GSN: variants seen among roughly 807,000 people sequenced by gnomAD.
The protein encoded by GSN is actin-depolymerizing factor.
GSN carries 56 observed loss-of-function variants against 85.7 expected under a neutral mutation model. The observed-to-expected ratio is 0.65, with a 90% CI of 0.53 to 0.82. The LOEUF (loss-of-function observed/expected upper bound fraction) is 0.82. GSN is among the 40% of genes least tolerant of loss of function. The probability of loss-of-function intolerance (pLI) is 0.00; values close to 1 mark genes in which losing one functional copy is unlikely to be tolerated. For missense variants in GSN, 857 were observed against 979.8 expected (o/e 0.87, Z 1.67); for synonymous variants, 373 against 399.1 (o/e 0.93, Z 0.78).
At chr9:121,301,322 A>G (rs149096679) in intron 2 of GSN, among the ~76,000 whole-genome samples, 33 of 152,186 alleles carry the variant, frequency 2.2e-4, no homozygotes, top group South Asian at 6.2e-4. Context: ...ATCACATCCA[A>G]TTGGCAATAA....
rs1381805508 is a variant in GSN, at chr9:121,332,518, C to T, written c.2111C>T (p.Ser704Phe). 1 of 1,613,962 alleles carries T rather than the reference C, an allele frequency of 6.2e-7. No individual in the cohort carries two copies. Among genetic ancestry groups the T allele is most frequent in the African/African-American group, 1.3e-5 (1 of 74,900 alleles). Reference sequence around the variant, plus strand: ...GTGAAGCAAGGCTTTGAGCCTCCCTCCTTTGTGGGCTGGTTCCTTGGCTGG... The same window carrying T: ...GTGAAGCAAGGCTTTGAGCCTCCCTTCTTTGTGGGCTGGTTCCTTGGCTGG... ...TVVKQGFEPPSFVGWFLGWDD... is the reference protein window; with the variant it reads ...TVVKQGFEPPFFVGWFLGWDD... The change falls in exon 18 of 18, where the codon TCC becomes TTC. Residue 704 changes from serine (S) to phenylalanine (F), a missense_variant. Transcript: ENST00000432226. This position sits in a 1 kb window ranked among gnomAD's most constrained non-coding sequence, Gnocchi z 4.8.
intron 2 of GSN, chr9:121,282,136 G>A (rs996179180): frequency 2.1e-5 from 10 of 475,660 alleles, no homozygotes; most frequent in South Asian, 7.5e-5. Context: ...GAGGTGGGGG[G>A]AGGAGTGCAG....
Position 121,312,508 on chromosome 9 carries a change from T to C in GSN, c.663+20T>C. ...CTCCAGGTGCCTGTGGGGTGCGCAA[T>C]GGGGTGGCCATGGGGACACGCTGCT... On this transcript the variant is annotated intron_variant, in intron 6 of 17. Coordinates refer to ENST00000432226, the MANE Select transcript of GSN (RefSeq NM_198252.3). 1 of 1,557,938 alleles carries C rather than the reference T, an allele frequency of 6.4e-7. No individual in the cohort carries two copies. The highest frequency in any genetic ancestry group is 1.1e-5 in the South Asian group (1 of 89,284).
At position 121,222,623 on chromosome 9, in the gene GSN, T is replaced by C. The variant is rs542954688; in HGVS notation, c.-527-8542T>C. On this transcript the variant is annotated intron_variant, in intron 4 of 24. Coordinates refer to the GSN transcript ENST00000373823. ...GGATAATTTGCATTACAATTACCTC[T>C]AGGGGGCGTATCTGAGTCTCACAGC... Among the ~76,000 whole-genome samples the C allele has an allele frequency of 3.9e-4, 60 of 152,318 alleles. 1 individual carries two copies. The highest frequency in any genetic ancestry group is 1.4e-3 in the African/African-American group (58 of 41,572).
intron 2 of GSN, among the ~76,000 whole-genome samples, chr9:121,300,592 T>C (rs1179108523): frequency 6.6e-6 from 1 of 152,102 alleles, no homozygotes; most frequent in Non-Finnish European, 1.5e-5. Flanking sequence ...CGGCCAGAGG[T>C]GACCTGCACC....
At chr9:121,266,839 G>A (rs139001265), upstream of GSN, among the ~76,000 whole-genome samples, 20 of 152,310 alleles carry the variant, frequency 1.3e-4, no homozygotes, top group African/African-American at 4.8e-4. Context: ...ATTTACTGGT[G>A]TTGAACAAAG....
At chr9:121,234,575 C>T (rs2054456173) in intron 5 of GSN, among the ~76,000 whole-genome samples, 1 of 152,158 alleles carries the variant, frequency 6.6e-6, no homozygotes, top group African/African-American at 2.4e-5. Context: ...GAAGTGAATT[C>T]CTTGATAAGA....
At chr9:121,218,885 C>T (rs1465751393) in intron 4 of GSN, among the ~76,000 whole-genome samples, 1 of 152,168 alleles carries the variant, frequency 6.6e-6, no homozygotes. Flanking sequence ...GCCTAAGTGA[C>T]TCCATTTTGG....
At chr9:121,278,407 A>T (rs2056925685) in intron 1 of GSN, among the ~76,000 whole-genome samples, 1 of 152,288 alleles carries the variant, frequency 6.6e-6, no homozygotes, top group Non-Finnish European at 1.5e-5. Flanking sequence ...CTCCCAATGA[A>T]CTGGGAGCAG....
At chr9:121,331,494 G>T (rs2063894485) in intron 17 of GSN, 46 bp downstream of exon 17, 2 of 1,173,830 alleles carry the variant, frequency 1.7e-6, no homozygotes, top group Non-Finnish European at 2.5e-6. Flanking sequence ...TCCGTTGCTT[G>T]TGGGGTGCTG....
chr9:121,325,833 G>A (rs1165925802), intron 12 of GSN, among the ~76,000 whole-genome samples: 1 of 152,132 alleles, frequency 6.6e-6, no homozygotes, highest in East Asian at 1.9e-4. Context: ...AACTCAAGAG[G>A]TTGAGACACG....
Position 121,318,428 on chromosome 9 carries a change from G to A in GSN, c.909G>A (p.Glu303=). 6.2e-7 allele frequency: 1 copy of A among 1,614,150 alleles called. No individual in the cohort carries two copies. Among genetic ancestry groups the A allele is most frequent in the Non-Finnish European group, 8.5e-7 (1 of 1,179,986 alleles). The change falls in exon 9 of 18, where the codon GAG becomes GAA. Residue 303 remains glutamate (E), a synonymous_variant. Coordinates refer to ENST00000432226, the MANE Select transcript of GSN (RefSeq NM_198252.3). The surrounding 1 kb of genome is among the most constrained non-coding windows in gnomAD (Gnocchi z 4.3). ...VWKGKQANTE[E]RKAALKTASD... is the part of the protein sequence containing the mutation. ...CAGGCAAGCAGGCAAACACGGAGGA[G>A]AGGAAGGCTGCCCTCAAAACAGCCT...
chr9:121,308,222 A>G (rs139666149), intron 4 of GSN: 1 of 152,404 alleles, frequency 6.6e-6, no homozygotes, highest in Non-Finnish European at 1.5e-5. Flanking sequence ...CCGCCCTGCT[A>G]GTCCCAAGGG....
At chr9:121,304,264 A>T (rs1272246505) in intron 4 of GSN, among the ~76,000 whole-genome samples, 1 of 152,176 alleles carries the variant, frequency 6.6e-6, no homozygotes, top group African/African-American at 2.4e-5. Flanking sequence ...CTCACAGTCC[A>T]GGGCTGGGCA....
At chr9:121,269,650 T>C (rs2055631607) in intron 1 of GSN, among the ~76,000 whole-genome samples, 1 of 152,190 alleles carries the variant, frequency 6.6e-6, no homozygotes, top group Admixed American at 6.5e-5. Context: ...GGGGCCATGC[T>C]ATTTATAAAT....
chr9:121,292,372 C>T (rs924660223), intron 2 of GSN, among the ~76,000 whole-genome samples: 12 of 152,322 alleles, frequency 7.9e-5, no homozygotes, highest in African/African-American at 2.9e-4. Context: ...GTTTGGAACC[C>T]TCCCTGTCTC....
At chr9:121,227,266 T>C (rs923964849) in intron 4 of GSN, among the ~76,000 whole-genome samples, 7 of 151,986 alleles carry the variant, frequency 4.6e-5, no homozygotes, top group Non-Finnish European at 5.9e-5. Flanking sequence ...TGGTGGTGCG[T>C]GCCTGTAATC....
intron 5 of GSN, among the ~76,000 whole-genome samples, chr9:121,245,004 A>G (rs1169761873): frequency 6.6e-6 from 1 of 152,206 alleles, no homozygotes; most frequent in Non-Finnish European, 1.5e-5. Context: ...AACAATGTAA[A>G]CATTTTATGT....
At chr9:121,296,514 T>C (rs1337738896) in intron 2 of GSN, among the ~76,000 whole-genome samples, 1 of 152,152 alleles carries the variant, frequency 6.6e-6, no homozygotes, top group East Asian at 1.9e-4. Context: ...CAGTATCTGG[T>C]ACTGCTTGGG....
Sources: gnomAD v4.1 joint callset for allele counts (sites outside exome capture counted in the v4.1 genomes callset) on GRCh38, gnomAD v4.1.1 for gene constraint, Gnocchi (gnomAD v3.1) non-coding constraint, MANE v1.5 for transcripts, NCBI Gene and HGNC (gene_info 2026-07-23, HGNC 2026-07-21) for gene names.